The following HEPHL1 variants were observed in gnomAD, a reference collection of about 807,000 sequenced individuals.
HEPHL1 encodes the protein hephaestin like 1.
A neutral mutation model predicts 122.0 loss-of-function variants in HEPHL1; 123 were observed. The observed-to-expected ratio is 1.01, with a 90% confidence interval of 0.87 to 1.17. HEPHL1 has a LOEUF of 1.17. HEPHL1 is among the 50% of genes most tolerant of loss of function. The pLI, the probability that HEPHL1 is intolerant of heterozygous loss-of-function variation, is 0.00. For missense variants in HEPHL1, 1,452 were observed against 1,430.5 expected (o/e 1.01, Z -0.24); for synonymous variants, 527 against 508.9 (o/e 1.04, Z -0.48).
At chr11:94,094,013 T>TATATATATATATATATATATATAA (rs1485344204) in intron 13 of HEPHL1, among the ~76,000 whole-genome samples, 4 of 121,692 alleles carry the variant, frequency 3.3e-5, no homozygotes, top group Admixed American at 7.8e-5. Flanking sequence ...TATATATATA[T>TATATATATATATATATATATATAA]AAAACTTTAA....
chr11:94,046,090 G>GCTTTTTT (rs1945834059), intron 2 of HEPHL1, among the ~76,000 whole-genome samples, 173 bp downstream of exon 2: 1 of 6,990 alleles, frequency 1.4e-4, no homozygotes, highest in African/African-American at 4.3e-4. Context: ...TCCCTTTCTT[G>GCTTTTTT]CTTTTTTTTT....
intron 1 of HEPHL1, among the ~76,000 whole-genome samples, chr11:94,030,171 A>G (rs1945660424): frequency 6.6e-6 from 1 of 152,170 alleles, no homozygotes; most frequent in South Asian, 2.1e-4. Flanking sequence ...GAACCCAGAG[A>G]GCATACCAGG....
At position 94,075,208 on chromosome 11, in the gene HEPHL1, T is replaced by C. The variant is rs1448042119; in HGVS notation, c.1539T>C (p.Gly513=). 1 of 1,613,166 alleles carries C rather than the reference T, an allele frequency of 6.2e-7. No homozygotes were observed. The highest frequency in any genetic ancestry group is 8.5e-7 in the Non-Finnish European group (1 of 1,179,556). ...FVKPGAHVKP[G]ETFTYKWTVP... ...AACCAGGGGCGCATGTTAAACCAGG[T>C]GAAACCTTCACATACAAGTGGACAG... is the stretch of plus-strand genomic sequence containing the variant. Residue 513 remains glycine, a synonymous_variant, in exon 9 of 20, where the codon GGT becomes GGC. Transcript: ENST00000315765.
chr11:94,037,660 C>T (rs1381360515), intron 1 of HEPHL1, among the ~76,000 whole-genome samples: 4 of 152,238 alleles, frequency 2.6e-5, no homozygotes, highest in African/African-American at 9.6e-5. Context: ...GCTGAGGGTC[C>T]TGTCTGTTAG....
chr11:94,033,095 C>T (rs1945690815), intron 1 of HEPHL1, among the ~76,000 whole-genome samples: 1 of 152,188 alleles, frequency 6.6e-6, no homozygotes, highest in Non-Finnish European at 1.5e-5. Context: ...AAACTGCGCA[C>T]TTGTTTTTCA....
intron 2 of HEPHL1, chr11:94,055,825 A>T (rs1945931965): frequency 2.1e-6 from 1 of 465,974 alleles, no homozygotes; most frequent in South Asian, 2.0e-5. Context: ...TCCTTTCCAT[A>T]CTGCAATGTC....
intron 1 of HEPHL1, among the ~76,000 whole-genome samples, chr11:94,036,988 G>C (rs1945730928): frequency 6.6e-6 from 1 of 152,222 alleles, no homozygotes; most frequent in Non-Finnish European, 1.5e-5. Flanking sequence ...GTGCCAGACA[G>C]TGGGCGCAGG....
chr11:94,109,536 T>C (rs1295241751), intron 17 of HEPHL1, among the ~76,000 whole-genome samples: 9 of 152,188 alleles, frequency 5.9e-5, no homozygotes. Flanking sequence ...CTAAATTTGC[T>C]CAGAGTTTTG....
intron 1 of HEPHL1, among the ~76,000 whole-genome samples, chr11:94,034,200 C>A (rs540363619): frequency 6.6e-6 from 1 of 152,352 alleles, no homozygotes; most frequent in South Asian, 2.1e-4. Context: ...TTCTTCCCAG[C>A]TTGACTCAGA....
intron 17 of HEPHL1, among the ~76,000 whole-genome samples, chr11:94,109,629 T>TGAAAAA (rs1237254722): frequency 6.6e-5 from 10 of 152,348 alleles, no homozygotes; most frequent in Non-Finnish European, 1.2e-4. Context: ...TTTAATCTGT[T>TGAAAAA]GCTGAATTAC....
intron 9 of HEPHL1, among the ~76,000 whole-genome samples, chr11:94,076,635 C>A (rs974429552): frequency 1.3e-5 from 2 of 151,820 alleles, no homozygotes; most frequent in Non-Finnish European, 2.9e-5. Context: ...CCTGAAACAT[C>A]CTATACCTAT....
intron 1 of HEPHL1, among the ~76,000 whole-genome samples, chr11:94,038,290 C>G (rs1227530433): frequency 6.8e-6 from 1 of 147,122 alleles, no homozygotes; most frequent in Non-Finnish European, 1.5e-5. Flanking sequence ...AGTTGGAAAA[C>G]ACTCTGCAGG....
At chr11:94,061,361 C>T (rs1003310843) in intron 2 of HEPHL1, among the ~76,000 whole-genome samples, 1 of 151,938 alleles carries the variant, frequency 6.6e-6, no homozygotes, top group Admixed American at 6.6e-5. Context: ...GGAGAAAGCA[C>T]AAGGCATGGA....
Position 94,088,982 on chromosome 11 carries a change from C to T in HEPHL1, c.2294+14C>T. Reference sequence around the variant, plus strand: ...AAGAGGGGAAAGGTACCACAGGCGCCGCCGCTAGGGCTCCTCGGTGGGATC... The same window carrying T: ...AAGAGGGGAAAGGTACCACAGGCGCTGCCGCTAGGGCTCCTCGGTGGGATC... On this transcript the variant is annotated intron_variant, in intron 12 of 19. Transcript: ENST00000315765. 1 of 1,612,258 alleles carries T rather than the reference C, an allele frequency of 6.2e-7. No homozygotes were observed. The highest frequency in any genetic ancestry group is 8.5e-7 in the Non-Finnish European group (1 of 1,178,414).
chr11:94,048,177 G>A (rs1303972293), intron 2 of HEPHL1, among the ~76,000 whole-genome samples: 1 of 151,964 alleles, frequency 6.6e-6, no homozygotes, highest in Admixed American at 6.6e-5. Flanking sequence ...TTCCTTTTAA[G>A]GCTGAATACT....
At chr11:94,086,755 C>T (rs1240685972) in intron 11 of HEPHL1, among the ~76,000 whole-genome samples, 1 of 152,298 alleles carries the variant, frequency 6.6e-6, no homozygotes, top group East Asian at 1.9e-4. Flanking sequence ...AATGCCAGTA[C>T]CTGGAACTTC....
chr11:94,067,349 C>T, intron 4 of HEPHL1, 147 bp from the exon 5 acceptor site: 1 of 702,054 alleles, frequency 1.4e-6, no homozygotes, highest in Non-Finnish European at 2.4e-6. Flanking sequence ...ATATATATTT[C>T]TAAGAGCCAG....
intron 2 of HEPHL1, among the ~76,000 whole-genome samples, chr11:94,060,862 A>C (rs1478428535): frequency 2.0e-5 from 3 of 152,184 alleles, no homozygotes; most frequent in African/African-American, 7.2e-5. Flanking sequence ...ATTTGAAAAG[A>C]TCACTCTTGT....
chr11:94,049,348 A>G (rs1280763833), intron 2 of HEPHL1, among the ~76,000 whole-genome samples: 1 of 151,944 alleles, frequency 6.6e-6, no homozygotes, highest in Non-Finnish European at 1.5e-5. Context: ...AAAAACAACC[A>G]GATACTGGCA....
Sources: gnomAD v4.1 joint callset for allele counts (sites outside exome capture counted in the v4.1 genomes callset) on GRCh38, gnomAD v4.1.1 for gene constraint, MANE v1.5 for transcripts, NCBI Gene and HGNC (gene_info 2026-07-23, HGNC 2026-07-21) for gene names.